The following ABL1 variants were observed in gnomAD, a reference collection of about 807,000 sequenced individuals.
The protein encoded by ABL1 is ABL proto-oncogene 1, non-receptor tyrosine kinase.
ABL1 carries 11 observed loss-of-function variants against 94.7 expected under a neutral mutation model. The observed-to-expected ratio is 0.12, with a 90% CI of 0.07 to 0.19. The LOEUF (loss-of-function observed/expected upper bound fraction) is 0.19, where lower values mean the gene tolerates loss of function less well. Among genes scored for constraint, ABL1 ranks in the 10% least tolerant of loss-of-function variants. The pLI is 1.00. For synonymous variants in ABL1, 656 were observed against 622.4 expected (o/e 1.05, Z -0.80); for missense variants, 1,082 against 1,489.4 (o/e 0.73, Z 4.50).
rs753006223 is a variant in ABL1, at chr9:130,885,035, G to C, written c.2745G>C (p.Ser915=). Residue 915 remains serine (S), a synonymous_variant, in exon 11 of 11, where the codon TCG becomes TCC. Coordinates refer to ENST00000318560, the MANE Select transcript of ABL1 (RefSeq NM_005157.6). ...CAGGGAAGGCTGGAGGAAAGCCCTC[G>C]CAGAGCCCGAGCCAGGAGGCGGCCG... is the stretch of plus-strand genomic sequence containing the variant. ...ASAGKAGGKP[S]QSPSQEAAGE... is the part of the protein sequence containing the mutation. 5 of 1,611,144 alleles carry C rather than the reference G, an allele frequency of 3.1e-6. No homozygotes were observed. The highest frequency in any genetic ancestry group is 1.3e-5 in the African/African-American group (1 of 75,028).
At chr9:130,790,465 T>TTTTATTTA (rs57807270) in intron 1 of ABL1, among the ~76,000 whole-genome samples, 4,358 of 147,948 alleles carry the variant, frequency 0.029, 112 homozygotes, top group East Asian at 0.044. Context: ...TTCATTTTTA[T>TTTTATTTA]TTTATTTATT....
chr9:130,728,230 A>ATTTTTTTTTTTTTTTTTTTTTT (rs55915035), intron 1 of ABL1, among the ~76,000 whole-genome samples: 1 of 102,574 alleles, frequency 9.7e-6, no homozygotes, highest in Non-Finnish European at 1.7e-5. Context: ...TGTCCAGCTG[A>ATTTTTTTTTTTTTTTTTTTTTT]TTTTTTTTTT....
chr9:130,783,430 G>A (rs945806787), intron 1 of ABL1, among the ~76,000 whole-genome samples: 3 of 152,162 alleles, frequency 2.0e-5, no homozygotes, highest in African/African-American at 7.2e-5. Flanking sequence ...TCTGATAACG[G>A]GGGACCAAAA....
chr9:130,815,170 C>T (rs1830266850), intron 1 of ABL1, among the ~76,000 whole-genome samples: 1 of 151,772 alleles, frequency 6.6e-6, no homozygotes, highest in African/African-American at 2.4e-5. Flanking sequence ...CCCATCTCTA[C>T]TAAAAGTACA....
chr9:130,841,616 GCC>G, intron 1 of ABL1, among the ~76,000 whole-genome samples: 1 of 151,692 alleles, frequency 6.6e-6, no homozygotes, highest in East Asian at 2.0e-4. Context: ...TTCGAGACCA[GCC>G]TGGCCAACAT....
intron 1 of ABL1, among the ~76,000 whole-genome samples, chr9:130,824,259 G>A (rs1008721548): frequency 6.6e-6 from 1 of 152,198 alleles, no homozygotes; most frequent in Non-Finnish European, 1.5e-5. Context: ...GTGGATTCCA[G>A]TCTGAAGGTC....
At chr9:130,833,912 C>T, upstream of ABL1, 1 of 424,082 alleles carries the variant, frequency 2.4e-6, no homozygotes, top group Non-Finnish European at 4.9e-6. Context: ...TTCTCTGAAA[C>T]ATATAATGAC....
chr9:130,738,222 A>G (rs1831770377), intron 1 of ABL1, among the ~76,000 whole-genome samples: 1 of 152,198 alleles, frequency 6.6e-6, no homozygotes, highest in South Asian at 2.1e-4. Context: ...TACAATCAGA[A>G]CATTGCACAA....
At position 130,837,352 on chromosome 9, in the gene ABL1, G is replaced by A. The variant is rs147168767; in HGVS notation, c.79+1827G>A. 3.7e-3 allele frequency among the ~76,000 whole-genome samples: 565 copies of A among 152,300 alleles called. 3 individuals are homozygous for A. The highest frequency in any genetic ancestry group is 0.012 in the African/African-American group (495 of 41,542). On this transcript the variant is annotated intron_variant, in intron 1 of 10. Transcript: ENST00000318560. ...ACTTTGCAGATGGGTGCCTAAGGCGGGGATGAATGGACTTTTGTAAGTGCA... is the reference window on the plus strand; with the variant it reads ...ACTTTGCAGATGGGTGCCTAAGGCGAGGATGAATGGACTTTTGTAAGTGCA...
rs537857954 is a variant in ABL1 at position 130,716,820 on chromosome 9, G to A, written c.136+2365G>A. Among the ~76,000 whole-genome samples the A allele has an allele frequency of 5.9e-5, 9 of 151,704 alleles. 1 individual carries two copies. In the South Asian group the frequency reaches 8.3e-4, roughly 14 times the overall value. Reference sequence around the variant, plus strand: ...GGCTGGAGTGCTGTGGTGCAATCTCGGCTCACTGCAACCTCTGCCTCCCGG... The same window carrying A: ...GGCTGGAGTGCTGTGGTGCAATCTCAGCTCACTGCAACCTCTGCCTCCCGG... On this transcript the variant is annotated intron_variant, in intron 1 of 10. Transcript: ENST00000372348.
rs143399096 is a variant in ABL1 at position 130,858,255 on chromosome 9, G to A, written c.549+3159G>A. ...TTCAAATGGGCAAGGAAAGGCCTGC[G>A]TATGGGATATGTGATTTGCAGAATT... On this transcript the variant is annotated intron_variant, in intron 3 of 10. Coordinates refer to ENST00000318560, the MANE Select transcript of ABL1 (RefSeq NM_005157.6). Among the ~76,000 whole-genome samples the A allele has an allele frequency of 5.3e-3, 803 of 152,078 alleles. 6 individuals carry two copies. The highest frequency in any genetic ancestry group is 0.041 in the Middle Eastern group (12 of 294).
chr9:130,772,708 T>C (rs1038412453), intron 1 of ABL1, among the ~76,000 whole-genome samples: 1 of 152,182 alleles, frequency 6.6e-6, no homozygotes, highest in African/African-American at 2.4e-5. Context: ...AGAGTGAATG[T>C]CCTGAGCAAG....
intron 1 of ABL1, among the ~76,000 whole-genome samples, chr9:130,745,120 T>C (rs1437678444): frequency 6.6e-6 from 1 of 151,040 alleles, no homozygotes; most frequent in African/African-American, 2.4e-5. Flanking sequence ...GTTTTGCTCT[T>C]GTTGCCCAGG....
chr9:130,744,856 C>T (rs1004080993), intron 1 of ABL1, among the ~76,000 whole-genome samples: 1 of 58,374 alleles, frequency 1.7e-5, no homozygotes, highest in Admixed American at 2.1e-4. Flanking sequence ...GACTCCGTCT[C>T]AAAAAAAAAA....
In ABL1 at chr9:130,862,728, T is replaced by G. The variant is rs1248506564; in HGVS notation, c.550-35T>G. Reference sequence around the variant, plus strand: ...CGTGAGCTCTTTGAGCTTGCCTGTCTCTGTGGGCTGAAGGCTGTTCCCTGT... The same window carrying G: ...CGTGAGCTCTTTGAGCTTGCCTGTCGCTGTGGGCTGAAGGCTGTTCCCTGT... On this transcript the variant is annotated intron_variant, in intron 3 of 10. Coordinates refer to ENST00000318560, the MANE Select transcript of ABL1 (RefSeq NM_005157.6). This position sits in a 1 kb window ranked among gnomAD's most constrained non-coding sequence, Gnocchi z 5.5. 6.2e-7 allele frequency: 1 copy of G among 1,600,536 alleles called. No individual in the cohort carries two copies. The highest frequency in any genetic ancestry group is 8.5e-7 in the Non-Finnish European group (1 of 1,173,692).
chr9:130,878,629 C>T (rs2133017951), intron 8 of ABL1, 62 bp downstream of exon 8: 3 of 1,580,116 alleles, frequency 1.9e-6, no homozygotes, highest in African/African-American at 1.3e-5. Context: ...TTCAACTGTG[C>T]AGGAGTGTGT....
chr9:130,866,982 C>A (rs919737379), intron 4 of ABL1, among the ~76,000 whole-genome samples: 1 of 152,170 alleles, frequency 6.6e-6, no homozygotes, highest in Non-Finnish European at 1.5e-5. Context: ...AGCTAAGAGG[C>A]TGCAATTTTT....
At chr9:130,795,414 C>G (rs1028379667) in intron 1 of ABL1, among the ~76,000 whole-genome samples, 1 of 152,104 alleles carries the variant, frequency 6.6e-6, no homozygotes, top group Non-Finnish European at 1.5e-5. Context: ...AGTGTTTTCC[C>G]GACAGTATCA....
chr9:130,857,373 C>T (rs771378147), intron 3 of ABL1, among the ~76,000 whole-genome samples: 16 of 152,354 alleles, frequency 1.1e-4, no homozygotes, highest in Non-Finnish European at 1.8e-4. Context: ...ACCTTTGTCA[C>T]TCTGACTGGT....
Sources: gnomAD v4.1 joint callset for allele counts (sites outside exome capture counted in the v4.1 genomes callset) on GRCh38, gnomAD v4.1.1 for gene constraint, Gnocchi (gnomAD v3.1) non-coding constraint, MANE v1.5 for transcripts, NCBI Gene and HGNC (gene_info 2026-07-23, HGNC 2026-07-21) for gene names.